Variants in LRGUK observed in about 807,000 individuals in gnomAD.
LRGUK encodes the protein leucine rich repeats and guanylate kinase domain containing, also known as leucine-rich repeat and guanylate kinase domain-containing protein.
In LRGUK, 65 loss-of-function variants were observed where a neutral mutation model predicts 76.0. That is an observed-to-expected ratio of 0.85 (90% CI 0.70 to 1.05). The LOEUF is 1.05. LRGUK is among the 50% of genes least tolerant of loss of function. The pLI, the probability that LRGUK is intolerant of heterozygous loss-of-function variation, is 0.00. For missense variants in LRGUK, 758 were observed against 732.8 expected, an observed-to-expected ratio of 1.03 and a Z score of -0.40; for synonymous variants, 268 against 265.6, an observed-to-expected ratio of 1.01 and a Z score of -0.09.
chr7:134,265,206 T>C (rs1222529131), downstream of LRGUK, among the ~76,000 whole-genome samples: 1 of 152,164 alleles, frequency 6.6e-6, no homozygotes, highest in African/African-American at 2.4e-5. Flanking sequence ...TATCGTCTAA[T>C]CTTTAAAAAA....
chr7:134,173,036 T>C (rs147697524), intron 7 of LRGUK, among the ~76,000 whole-genome samples: 215 of 152,208 alleles, frequency 1.4e-3, no homozygotes, highest in African/African-American at 4.9e-3. Flanking sequence ...GATGGAATGC[T>C]AGAAGGAAAT....
intron 4 of LRGUK, among the ~76,000 whole-genome samples, chr7:134,147,158 A>T (rs1798006249): frequency 6.6e-6 from 1 of 152,114 alleles, no homozygotes; most frequent in Non-Finnish European, 1.5e-5. Flanking sequence ...CACACCTATA[A>T]TCCCAACACT....
At chr7:134,253,160 T>A (rs1802488811) in intron 18 of LRGUK, among the ~76,000 whole-genome samples, 1 of 152,182 alleles carries the variant, frequency 6.6e-6, no homozygotes, top group South Asian at 2.1e-4. Context: ...GAAAGTATCA[T>A]CACAGCCACC....
intron 19 of LRGUK, among the ~76,000 whole-genome samples, chr7:134,262,654 T>A (rs955389478): frequency 6.6e-6 from 1 of 151,912 alleles, no homozygotes; most frequent in Non-Finnish European, 1.5e-5. Context: ...GATATCCCCA[T>A]GGAGAAAAAC....
intron 18 of LRGUK, among the ~76,000 whole-genome samples, chr7:134,255,595 C>T (rs949217178): frequency 2.0e-5 from 3 of 151,920 alleles, no homozygotes; most frequent in African/African-American, 7.3e-5. Context: ...TTTTTTCTTC[C>T]CAAACTACCT....
At chr7:134,239,254 C>T (rs1300816813) in intron 16 of LRGUK, among the ~76,000 whole-genome samples, 2 of 152,174 alleles carry the variant, frequency 1.3e-5, no homozygotes, top group East Asian at 3.9e-4. Flanking sequence ...AGTGGGGCAT[C>T]GCCTCACCCG....
At chr7:134,228,156 A>C (rs1020440097) in intron 16 of LRGUK, among the ~76,000 whole-genome samples, 4 of 152,224 alleles carry the variant, frequency 2.6e-5, no homozygotes, top group Non-Finnish European at 2.9e-5. Flanking sequence ...AATTAGGTTG[A>C]CAGCGACTTT....
chr7:134,187,096 A>G (rs1426671378), intron 11 of LRGUK, among the ~76,000 whole-genome samples: 1 of 152,214 alleles, frequency 6.6e-6, no homozygotes, highest in Non-Finnish European at 1.5e-5. Flanking sequence ...TCGGATGGAA[A>G]AGGATATTAG....
At chr7:134,229,140 CTGAGA>C (rs1341670105) in intron 16 of LRGUK, among the ~76,000 whole-genome samples, 1 of 152,090 alleles carries the variant, frequency 6.6e-6, no homozygotes, top group Non-Finnish European at 1.5e-5. Flanking sequence ...CTTTGGGAGG[CTGAGA>C]TGAGAGGATC....
At chr7:134,209,840 G>A (rs979253890) in exon 16 of LRGUK, 3 of 399,124 alleles carry the variant, frequency 7.5e-6, no homozygotes, top group Admixed American at 4.4e-5. Context: ...CCCCAGCCAG[G>A]AGCAAGCAGA....
At chr7:134,254,669 G>A (rs1802530643) in intron 18 of LRGUK, among the ~76,000 whole-genome samples, 1 of 152,086 alleles carries the variant, frequency 6.6e-6, no homozygotes, top group South Asian at 2.1e-4. Flanking sequence ...TTCAACATAG[G>A]AATTTGTGGG....
exon 7 of LRGUK, chr7:134,163,509 T>C: frequency 1.9e-6 from 3 of 1,613,458 alleles, no homozygotes; most frequent in Non-Finnish European, 2.5e-6. Flanking sequence ...AATCATGACC[T>C]CCTGGAAGTG....
chr7:134,209,832 CCAG>C, exon 16 of LRGUK: 1 of 399,336 alleles, frequency 2.5e-6, no homozygotes, highest in Non-Finnish European at 4.4e-6. Context: ...ATCAGTCCCC[CCAG>C]CCAGGAGCAA....
At chr7:134,198,136 G>C (rs967201089) in intron 13 of LRGUK, among the ~76,000 whole-genome samples, 2 of 152,124 alleles carry the variant, frequency 1.3e-5, no homozygotes, top group African/African-American at 2.4e-5. Flanking sequence ...TCCTGACGTA[G>C]AATATTTCCA....
At chr7:134,208,924 C>G (rs1801120541) in exon 16 of LRGUK, 1 of 399,040 alleles carries the variant, frequency 2.5e-6, no homozygotes, top group Non-Finnish European at 4.4e-6. Flanking sequence ...TTTCTCCTGA[C>G]AGCCATCTCA....
At chr7:134,262,436 A>G (rs894846884) in intron 19 of LRGUK, among the ~76,000 whole-genome samples, 2 of 152,186 alleles carry the variant, frequency 1.3e-5, no homozygotes, top group African/African-American at 4.8e-5. Context: ...ATTTTTTTAA[A>G]TGGCAATATT....
At chr7:134,178,416 A>G (rs1178542476) in intron 9 of LRGUK, 87 bp from the exon 10 acceptor site, 1 of 942,234 alleles carries the variant, frequency 1.1e-6, no homozygotes, top group East Asian at 2.6e-5. Context: ...GCACGTGAAC[A>G]ACATTTCATT....
intron 18 of LRGUK, among the ~76,000 whole-genome samples, chr7:134,257,197 C>T (rs918050642): frequency 9.9e-5 from 15 of 152,196 alleles, no homozygotes; most frequent in South Asian, 2.1e-4. Flanking sequence ...TCTTTTAAGA[C>T]GTTGGCCCTC....
At chr7:134,244,863 T>C (rs908119165) in intron 16 of LRGUK, among the ~76,000 whole-genome samples, 5 of 152,132 alleles carry the variant, frequency 3.3e-5, no homozygotes, top group African/African-American at 1.2e-4. Context: ...CCACGAATAC[T>C]ACGCAGCCAT....
Sources: gnomAD v4.1 joint callset for allele counts (sites outside exome capture counted in the v4.1 genomes callset) on GRCh38, gnomAD v4.1.1 for gene constraint, MANE v1.5 for transcripts, NCBI Gene and HGNC (gene_info 2026-07-23, HGNC 2026-07-21) for gene names.